Variants in SOX5 observed in about 807,000 individuals in gnomAD.
The protein encoded by SOX5 is SRY-box transcription factor 5, also known as transcription factor SOX-5.
A neutral mutation model predicts 92.0 loss-of-function variants in SOX5; 9 were observed. The ratio of observed to expected loss-of-function variants is 0.10; its 90% CI spans 0.06 to 0.17. The LOEUF (loss-of-function observed/expected upper bound fraction) is 0.17, where lower values mean the gene tolerates loss of function less well. Ranked by LOEUF, SOX5 falls within the 10% of genes least tolerant of loss-of-function variation. SOX5 has a pLI of 1.00. For missense variants in SOX5, 642 were observed against 944.5 expected, an observed-to-expected ratio of 0.68 and a Z score of 4.20; for synonymous variants, 344 against 336.3, an observed-to-expected ratio of 1.02 and a Z score of -0.25.
intron 1 of SOX5, among the ~76,000 whole-genome samples, chr12:24,386,646 A>C (rs2136432326): frequency 6.6e-6 from 1 of 152,296 alleles, no homozygotes; most frequent in East Asian, 1.9e-4. Flanking sequence ...CTGTCAGAAC[A>C]ATAGCTTTTT....
chr12:24,380,002 C>T (rs1957668555), intron 1 of SOX5, among the ~76,000 whole-genome samples: 1 of 151,656 alleles, frequency 6.6e-6, no homozygotes, highest in Admixed American at 6.6e-5. Flanking sequence ...TCAAAAGACA[C>T]ATGCATCCAA....
At chr12:24,524,060 G>A (rs555424553) in intron 1 of SOX5, among the ~76,000 whole-genome samples, 2 of 152,186 alleles carry the variant, frequency 1.3e-5, no homozygotes, top group African/African-American at 2.4e-5. Flanking sequence ...AATACTTAAC[G>A]GTTTGCCTGT....
chr12:24,219,198 G>C (rs1347986090), intron 3 of SOX5, among the ~76,000 whole-genome samples: 1 of 151,980 alleles, frequency 6.6e-6, no homozygotes. Flanking sequence ...GATTAATAGG[G>C]TTCAAAAATA....
chr12:24,192,949 T>G (rs1956667996), intron 4 of SOX5, among the ~76,000 whole-genome samples: 2 of 151,934 alleles, frequency 1.3e-5, no homozygotes, highest in Non-Finnish European at 2.9e-5. Flanking sequence ...ATGTGTCTCT[T>G]AAAGAAAAAA....
intron 3 of SOX5, among the ~76,000 whole-genome samples, chr12:23,767,087 G>A (rs1426335091): frequency 6.6e-6 from 1 of 151,966 alleles, no homozygotes; most frequent in East Asian, 1.9e-4. Context: ...AGTGCCTGTA[G>A]TCTCTGCTAC....
intron 4 of SOX5, among the ~76,000 whole-genome samples, chr12:24,026,333 T>C (rs1954862026): frequency 6.6e-6 from 1 of 152,016 alleles, no homozygotes; most frequent in African/African-American, 2.4e-5. Flanking sequence ...AAAAGAGATA[T>C]CCAAGAACTT....
At chr12:24,299,803 T>C (rs1238135679) in intron 2 of SOX5, among the ~76,000 whole-genome samples, 1 of 152,230 alleles carries the variant, frequency 6.6e-6, no homozygotes, top group Admixed American at 6.5e-5. Flanking sequence ...CAAAGGCTTA[T>C]TTCTAGTGGC....
intron 1 of SOX5, among the ~76,000 whole-genome samples, chr12:23,931,246 T>G (rs1941332302): frequency 6.6e-6 from 1 of 151,784 alleles, no homozygotes; most frequent in African/African-American, 2.4e-5. Context: ...TAGCTACTAT[T>G]TATTTAGTGC....
At chr12:23,690,043 A>G (rs1042751011) in intron 6 of SOX5, among the ~76,000 whole-genome samples, 1 of 152,170 alleles carries the variant, frequency 6.6e-6, no homozygotes, top group Admixed American at 6.6e-5. Context: ...TATAATCACT[A>G]CCTCAAGTTG....
rs527647441 is a variant in SOX5, at chr12:24,049,638, G to GTTT, written c.-1-153617_-1-153615dup. Among the ~76,000 whole-genome samples, 186 of 73,754 alleles carry GTTT rather than the reference G, an allele frequency of 2.5e-3. 18 individuals carry two copies. The highest frequency in any genetic ancestry group is 1.0e-2 in the African/African-American group (168 of 16,834). 48.4% of individuals were successfully genotyped at this position (73,754 alleles called of 152,430 possible). A position where few individuals can be genotyped will look rare whatever the true frequency, so the allele number is the denominator to read the frequency against. On this transcript the variant is annotated intron_variant, in intron 4 of 4. Coordinates refer to the SOX5 transcript ENST00000446891. Reference sequence around the variant, plus strand: ...TGTTGATATTTTCCAATCCTTCATAGTTTTTTTTTTTTTTTTTTTTTTTTT... The same window carrying GTTT: ...TGTTGATATTTTCCAATCCTTCATAGTTTTTTTTTTTTTTTTTTTTTTTTTTTT...
chr12:24,082,701 A>C (rs890686409), intron 4 of SOX5, among the ~76,000 whole-genome samples: 2 of 151,814 alleles, frequency 1.3e-5, no homozygotes, highest in South Asian at 4.1e-4. Context: ...CAAAATGTAG[A>C]TAACTCACCT....
At chr12:23,985,439 C>T (rs1047618645) in intron 4 of SOX5, among the ~76,000 whole-genome samples, 15 of 152,086 alleles carry the variant, frequency 9.9e-5, no homozygotes, top group African/African-American at 3.6e-4. Context: ...TTACACATTT[C>T]CATCTCTAAG....
chr12:24,501,326 G>C (rs1317294554), intron 1 of SOX5, among the ~76,000 whole-genome samples: 1 of 151,494 alleles, frequency 6.6e-6, no homozygotes, highest in Non-Finnish European at 1.5e-5. Context: ...GACCAGGATA[G>C]GGGCAAGATA....
chr12:24,340,102 A>T (rs1490285940), intron 2 of SOX5, among the ~76,000 whole-genome samples: 1 of 152,230 alleles, frequency 6.6e-6, no homozygotes, highest in African/African-American at 2.4e-5. Flanking sequence ...CCTCTCTTAC[A>T]GAGGCTCCCA....
chr12:24,529,470 G>A (rs1597644330), intron 1 of SOX5, among the ~76,000 whole-genome samples: 1 of 151,966 alleles, frequency 6.6e-6, no homozygotes, highest in Non-Finnish European at 1.5e-5. Context: ...ACCTTTTAAC[G>A]AAAAGAAAAT....
intron 4 of SOX5, among the ~76,000 whole-genome samples, chr12:24,115,176 G>C (rs981307755): frequency 1.3e-5 from 2 of 152,054 alleles, no homozygotes; most frequent in Non-Finnish European, 2.9e-5. Flanking sequence ...CAATACATAA[G>C]ACATTAACAT....
intron 1 of SOX5, among the ~76,000 whole-genome samples, chr12:24,453,733 A>C (rs1942641895): frequency 6.6e-6 from 1 of 152,208 alleles, no homozygotes; most frequent in African/African-American, 2.4e-5. Context: ...AATGGATATG[A>C]TAGCCAATTA....
chr12:24,200,257 G>A (rs1020278074), intron 4 of SOX5, among the ~76,000 whole-genome samples: 4 of 152,160 alleles, frequency 2.6e-5, no homozygotes, highest in African/African-American at 7.2e-5. Flanking sequence ...ACCTCTCTGA[G>A]CTTCAGTTCC....
At chr12:24,222,571 T>C (rs2139813587) in intron 3 of SOX5, among the ~76,000 whole-genome samples, 1 of 152,252 alleles carries the variant, frequency 6.6e-6, no homozygotes, top group African/African-American at 2.4e-5. Context: ...TCAAGGCACG[T>C]TACAAACTAC....
Sources: allele counts gnomAD v4.1 joint callset (sites outside exome capture counted in the v4.1 genomes callset), GRCh38; gene constraint gnomAD v4.1.1; transcripts MANE v1.5; gene names NCBI Gene and HGNC (gene_info 2026-07-23, HGNC 2026-07-21).